APAF1: variants seen among roughly 807,000 people sequenced by gnomAD.
APAF1 encodes the protein apoptotic peptidase activating factor 1, also known as apoptotic protease-activating factor 1.
APAF1 carries 91 observed loss-of-function variants against 152.4 expected under a neutral mutation model. That is an observed-to-expected ratio of 0.60 (90% CI 0.50 to 0.71). The LOEUF is 0.71. Ranked by LOEUF, APAF1 falls within the 30% of genes least tolerant of loss-of-function variation. APAF1 has a pLI of 0.00. For missense variants in APAF1, 1,283 were observed against 1,472.0 expected (o/e 0.87, Z 2.10); for synonymous variants, 484 against 494.1 (o/e 0.98, Z 0.27).
chr12:98,721,080 ACATCCC>A (rs2097742017), intron 22 of APAF1, among the ~76,000 whole-genome samples: 2 of 152,266 alleles, frequency 1.3e-5, no homozygotes, highest in Admixed American at 1.3e-4. Context: ...AATGATAGAG[ACATCCC>A]CAAACTCAAC....
chr12:98,666,817 T>A (rs963880140), intron 9 of APAF1, among the ~76,000 whole-genome samples: 1 of 151,934 alleles, frequency 6.6e-6, no homozygotes, highest in Non-Finnish European at 1.5e-5. Context: ...TGTATCTTTC[T>A]CAGTGGCGTC....
rs1285208826 is a variant in APAF1, at chr12:98,671,657, T to C, written c.1731T>C (p.Tyr577=). The change falls in exon 12 of 27, where the codon TAT becomes TAC. Residue 577 remains tyrosine, a synonymous_variant. Coordinates refer to ENST00000551964, the MANE Select transcript of APAF1 (RefSeq NM_181861.2). ...GLCEPETSEV[Y]QQAKLQAKQE... Reference sequence around the variant, plus strand: ...GTGAGCCGGAAACTTCAGAAGTTTATCAGCAAGCTAAGCTGCAGGCCAAGC... The same window carrying C: ...GTGAGCCGGAAACTTCAGAAGTTTACCAGCAAGCTAAGCTGCAGGCCAAGC... 1 of 1,614,066 alleles carries C rather than the reference T, an allele frequency of 6.2e-7. No homozygotes were observed. Among genetic ancestry groups the C allele is most frequent in the Non-Finnish European group, 8.5e-7 (1 of 1,180,014 alleles).
intron 4 of APAF1, among the ~76,000 whole-genome samples, chr12:98,655,418 G>T (rs1420750635): frequency 1.4e-5 from 2 of 147,414 alleles, no homozygotes; most frequent in African/African-American, 2.5e-5. Flanking sequence ...GGGCAGAGGC[G>T]CCCCTCACCT....
At chr12:98,683,967 G>A (rs998536519) in intron 15 of APAF1, among the ~76,000 whole-genome samples, 5 of 152,132 alleles carry the variant, frequency 3.3e-5, no homozygotes, top group African/African-American at 1.2e-4. Flanking sequence ...CTCTTAAGTG[G>A]ATAAAGATAG....
chr12:98,672,362 G>A (rs987595334), intron 12 of APAF1, among the ~76,000 whole-genome samples: 2 of 151,946 alleles, frequency 1.3e-5, no homozygotes, highest in African/African-American at 4.8e-5. Context: ...ATGGGGTTTC[G>A]TCATGTTGGC....
intron 10 of APAF1, among the ~76,000 whole-genome samples, chr12:98,668,788 G>A (rs2097676588): frequency 6.6e-6 from 1 of 152,124 alleles, no homozygotes. Context: ...ACTCATTTTG[G>A]ATATATTAAG....
intron 1 of APAF1, among the ~76,000 whole-genome samples, chr12:98,646,547 T>C (rs1253258810): frequency 6.6e-6 from 1 of 152,220 alleles, no homozygotes; most frequent in Non-Finnish European, 1.5e-5. Flanking sequence ...GGCATTCACA[T>C]TCCCACTCTC....
At chr12:98,687,676 C>T (rs1391186246) in intron 16 of APAF1, among the ~76,000 whole-genome samples, 1 of 152,106 alleles carries the variant, frequency 6.6e-6, no homozygotes, top group Non-Finnish European at 1.5e-5. Context: ...GGGTAGCGCC[C>T]TCATGACCTA....
At position 98,735,298 on chromosome 12, in the gene APAF1, T is replaced by TATG. The variant is rs2097767968; in HGVS notation, c.*2733_*2735dup. 2.5e-6 allele frequency: 1 copy of TATG among 400,772 alleles called. No homozygotes were observed. The highest frequency in any genetic ancestry group is 3.5e-5 in the East Asian group (1 of 28,180). 24.8% of individuals were successfully genotyped at this position (400,772 alleles called of 1,614,324 possible). A position where few individuals can be genotyped will look rare whatever the true frequency, so the allele number is the denominator to read the frequency against. ...ATATATATAATTTTTTTTTACATTA[T>TATG]ATGTCTCTTGTATGTTTTGAAACTC... On this transcript the variant is annotated 3_prime_UTR_variant, in exon 27 of 27. Transcript: ENST00000551964.
At chr12:98,725,110 A>T (rs1170623295) in intron 24 of APAF1, among the ~76,000 whole-genome samples, 2 of 152,226 alleles carry the variant, frequency 1.3e-5, no homozygotes, top group African/African-American at 4.8e-5. Context: ...CAGTGGAGCT[A>T]GCACTCACAT....
chr12:98,708,490 T>C (rs2097724262), intron 19 of APAF1, 95 bp from the exon 20 acceptor site: 1 of 1,252,890 alleles, frequency 8.0e-7, no homozygotes, highest in Non-Finnish European at 1.1e-6. Context: ...TCTAGCATCA[T>C]AGGTATTTTA....
intron 26 of APAF1, among the ~76,000 whole-genome samples, chr12:98,728,619 G>T (rs1388316970): frequency 6.6e-6 from 1 of 152,148 alleles, no homozygotes; most frequent in African/African-American, 2.4e-5. Context: ...TACTTGGGAG[G>T]CTGAGAGGTG....
chr12:98,710,882 A>T (rs1593098920), intron 20 of APAF1, among the ~76,000 whole-genome samples: 1 of 117,576 alleles, frequency 8.5e-6, no homozygotes, highest in Non-Finnish European at 1.8e-5. Flanking sequence ...CTCAGTTTGT[A>T]AAGGTCCTTT....
chr12:98,703,941 G>T (rs1266629916), intron 18 of APAF1, among the ~76,000 whole-genome samples: 1 of 152,170 alleles, frequency 6.6e-6, no homozygotes, highest in Non-Finnish European at 1.5e-5. Context: ...GATGTTCATT[G>T]CCAGGCACTA....
chr12:98,733,966 T>G lies in APAF1; in HGVS notation c.*1400T>G, dbSNP rs1448071394. 1 of 152,208 alleles carries G rather than the reference T, an allele frequency of 6.6e-6. No individual in the cohort carries two copies. Among genetic ancestry groups the G allele is most frequent in the Non-Finnish European group, 1.5e-5 (1 of 68,032 alleles). The allele number at this position is 152,208 out of a possible 1,614,324, so 9.4% of individuals were successfully genotyped here. A position where few individuals can be genotyped will look rare whatever the true frequency, so the allele number is the denominator to read the frequency against. ...ACTTTTTTCTTTTTTAAAAAGCAGTTTCTCCACTGCTAAATGTTAGTCATT... is the reference window on the plus strand; with the variant it reads ...ACTTTTTTCTTTTTTAAAAAGCAGTGTCTCCACTGCTAAATGTTAGTCATT... On this transcript the variant is annotated 3_prime_UTR_variant, in exon 27 of 27. Coordinates refer to ENST00000551964, the MANE Select transcript of APAF1 (RefSeq NM_181861.2).
In APAF1 at chr12:98,682,299, C is replaced by T. The variant is rs147400886; in HGVS notation, c.2047-844C>T. Among the ~76,000 whole-genome samples the T allele has an allele frequency of 6.7e-3, 1,000 of 150,248 alleles. 12 individuals carry two copies. Among genetic ancestry groups the T allele is most frequent in the African/African-American group, 0.023 (937 of 40,866 alleles). On this transcript the variant is annotated intron_variant, in intron 14 of 26. Coordinates refer to ENST00000551964, the MANE Select transcript of APAF1 (RefSeq NM_181861.2). Reference sequence around the variant, plus strand: ...TGATCTCCTGACCTCGTGATCTGCCCGCCTCGGCCTCCCAAAGTGCTGGGA... The same window carrying T: ...TGATCTCCTGACCTCGTGATCTGCCTGCCTCGGCCTCCCAAAGTGCTGGGA...
intron 16 of APAF1, among the ~76,000 whole-genome samples, chr12:98,695,324 T>C (rs1179230961): frequency 6.6e-6 from 1 of 151,678 alleles, no homozygotes; most frequent in Non-Finnish European, 1.5e-5. Flanking sequence ...GTTCTGGGAT[T>C]ACAGGTGTGA....
intron 4 of APAF1, among the ~76,000 whole-genome samples, chr12:98,649,975 G>A (rs1338513330): frequency 1.3e-5 from 2 of 152,076 alleles, no homozygotes; most frequent in Non-Finnish European, 2.9e-5. Context: ...ACTGGGGTGG[G>A]GAAGGGCATA....
chr12:98,728,750 A>C (rs535074929), intron 26 of APAF1, among the ~76,000 whole-genome samples: 1 of 152,258 alleles, frequency 6.6e-6, no homozygotes, highest in East Asian at 1.9e-4. Flanking sequence ...AACCAAAAAT[A>C]AAGTTACATA....
Sources: allele counts gnomAD v4.1 joint callset (sites outside exome capture counted in the v4.1 genomes callset), GRCh38; gene constraint gnomAD v4.1.1; transcripts MANE v1.5; gene names NCBI Gene and HGNC (gene_info 2026-07-23, HGNC 2026-07-21).